SCYL2: variants seen among roughly 807,000 people sequenced by gnomAD.
SCYL2 encodes the protein SCY1-like protein 2.
A neutral mutation model predicts 100.4 loss-of-function variants in SCYL2; 36 were observed. The ratio of observed to expected loss-of-function variants is 0.36; its 90% CI spans 0.27 to 0.47. The LOEUF (loss-of-function observed/expected upper bound fraction) is 0.47. SCYL2 is among the 20% of genes least tolerant of loss of function. SCYL2 has a pLI of 1.00. For missense variants in SCYL2, 902 were observed against 1,083.9 expected (o/e 0.83, Z 2.36); for synonymous variants, 330 against 359.2 (o/e 0.92, Z 0.92).
intron 11 of SCYL2, chr12:100,323,840 G>C (rs548676750): frequency 3.0e-6 from 1 of 331,894 alleles, no homozygotes; most frequent in South Asian, 9.8e-5. Flanking sequence ...CTTACTTGCT[G>C]TCCCTTTACT....
intron 4 of SCYL2, among the ~76,000 whole-genome samples, chr12:100,308,478 G>T (rs1267035009): frequency 1.3e-5 from 2 of 152,060 alleles, no homozygotes; most frequent in Non-Finnish European, 2.9e-5. Context: ...CACACACTGG[G>T]GCCTGTCCGG....
At chr12:100,325,817 G>A (rs188937267) in intron 11 of SCYL2, among the ~76,000 whole-genome samples, 49 of 152,034 alleles carry the variant, frequency 3.2e-4, no homozygotes, top group African/African-American at 1.2e-3. Flanking sequence ...TACAAGTTAA[G>A]CGTTCAGATA....
chr12:100,306,144 C>T (rs2096334086), intron 4 of SCYL2, among the ~76,000 whole-genome samples: 1 of 152,180 alleles, frequency 6.6e-6, no homozygotes, highest in Non-Finnish European at 1.5e-5. Context: ...TCCTCCCTAA[C>T]TCATTTTATG....
At chr12:100,319,810 G>A (rs1481167352) in intron 10 of SCYL2, among the ~76,000 whole-genome samples, 1 of 152,222 alleles carries the variant, frequency 6.6e-6, no homozygotes, top group Non-Finnish European at 1.5e-5. Context: ...AGTTGATAAA[G>A]CATATCTAAA....
chr12:100,330,830 CTT>C (rs71088179), intron 13 of SCYL2, among the ~76,000 whole-genome samples: 77 of 134,042 alleles, frequency 5.7e-4, no homozygotes, highest in Non-Finnish European at 7.5e-4. Flanking sequence ...AATTTTTTTT[CTT>C]TTTTTTTTTT....
intron 10 of SCYL2, 94 bp downstream of exon 10, chr12:100,318,019 T>C (rs2096351058): frequency 2.6e-6 from 3 of 1,137,504 alleles, no homozygotes; most frequent in Non-Finnish European, 3.7e-6. Flanking sequence ...AGTCATAAAA[T>C]ACATAACTCA....
At chr12:100,289,078 A>G (rs1027680200) in intron 2 of SCYL2, among the ~76,000 whole-genome samples, 1 of 152,160 alleles carries the variant, frequency 6.6e-6, no homozygotes, top group African/African-American at 2.4e-5. Flanking sequence ...GATTGTGCAC[A>G]TGAATGGCAA....
At chr12:100,281,350 T>C (rs1431658391) in intron 1 of SCYL2, among the ~76,000 whole-genome samples, 2 of 152,168 alleles carry the variant, frequency 1.3e-5, no homozygotes, top group South Asian at 2.1e-4. Flanking sequence ...AATGATTTCA[T>C]AGTTGAATGT....
intron 1 of SCYL2, among the ~76,000 whole-genome samples, chr12:100,275,725 T>C (rs185314327): frequency 3.9e-5 from 6 of 152,334 alleles, no homozygotes; most frequent in African/African-American, 1.2e-4. Context: ...TGAATAGAAG[T>C]GGTAAAAGTG....
At chr12:100,271,793 TG>T (rs2096287967) in intron 1 of SCYL2, among the ~76,000 whole-genome samples, 1 of 152,202 alleles carries the variant, frequency 6.6e-6, no homozygotes, top group African/African-American at 2.4e-5. Context: ...CTTGGGAAGC[TG>T]GGGAAAAAAG....
At position 100,285,418 on chromosome 12, in the gene SCYL2, A is replaced by G. The variant is rs559286915; in HGVS notation, c.177+2271A>G. 8.5e-5 allele frequency among the ~76,000 whole-genome samples: 13 copies of G among 152,316 alleles called. No homozygotes were observed. In the South Asian group the frequency reaches 1.4e-3, roughly 17 times the overall value. On this transcript the variant is annotated intron_variant, in intron 2 of 17. Coordinates refer to ENST00000360820, the MANE Select transcript of SCYL2 (RefSeq NM_017988.6). The stretch of plus-strand genomic sequence containing the variant: ...AGCTGTAGACATTCTTGTATGTGCC[A>G]TTGGCACATATGACGCATTACCTAG...
intron 4 of SCYL2, among the ~76,000 whole-genome samples, chr12:100,302,359 T>C (rs2096328846): frequency 6.6e-6 from 1 of 152,164 alleles, no homozygotes; most frequent in Non-Finnish European, 1.5e-5. Flanking sequence ...ATTGCAGTGC[T>C]TTACAATTTG....
rs201087555 is a variant in SCYL2 at position 100,322,841 on chromosome 12, CAA to C, written c.1396-683_1396-682del. Among the ~76,000 whole-genome samples, 1,151 of 134,254 alleles carry C rather than the reference CAA, an allele frequency of 8.6e-3. 16 individuals carry two copies. Among genetic ancestry groups the C allele is most frequent in the African/African-American group, 0.029 (1,057 of 35,984 alleles). 88.1% of individuals were successfully genotyped at this position (134,254 alleles called of 152,430 possible). A position where few individuals can be genotyped will look rare whatever the true frequency, so the allele number is the denominator to read the frequency against. ...TGTCACTACACTCCAGCCTGGGCAA[CAA>C]GAGCAAAACTCCGTCTCAAAAAAAA... On this transcript the variant is annotated intron_variant, in intron 10 of 17. Transcript: ENST00000360820.
chr12:100,298,671 C>T (rs977485080), intron 4 of SCYL2, among the ~76,000 whole-genome samples: 1 of 149,266 alleles, frequency 6.7e-6, no homozygotes, highest in African/African-American at 2.6e-5. Flanking sequence ...GCAACTTCCA[C>T]CTCCCAGGTT....
chr12:100,280,908 G>C (rs559667319), intron 1 of SCYL2, among the ~76,000 whole-genome samples: 2 of 150,614 alleles, frequency 1.3e-5, no homozygotes, highest in South Asian at 4.2e-4. Flanking sequence ...CCAATTAAAT[G>C]ATAAGTATTC....
At chr12:100,290,422 A>G (rs1373087686) in intron 2 of SCYL2, among the ~76,000 whole-genome samples, 2 of 152,210 alleles carry the variant, frequency 1.3e-5, no homozygotes, top group African/African-American at 2.4e-5. Flanking sequence ...ATTTATATAC[A>G]TAAGGAACCC....
At chr12:100,318,115 T>C (rs1269065810) in intron 10 of SCYL2, among the ~76,000 whole-genome samples, 190 bp downstream of exon 10, 1 of 152,146 alleles carries the variant, frequency 6.6e-6, no homozygotes, top group African/African-American at 2.4e-5. Flanking sequence ...AAAGAATCAG[T>C]GTATTGTAAG....
intron 3 of SCYL2, 88 bp downstream of exon 3, chr12:100,291,748 C>G (rs1003477909): frequency 2.3e-6 from 3 of 1,313,634 alleles, no homozygotes; most frequent in Non-Finnish European, 2.1e-6. Flanking sequence ...CAAGTATTGT[C>G]AGTGAAAAAT....
intron 17 of SCYL2, among the ~76,000 whole-genome samples, chr12:100,337,749 A>G (rs1312302957): frequency 6.6e-6 from 1 of 152,228 alleles, no homozygotes; most frequent in East Asian, 1.9e-4. Flanking sequence ...AAGGGTTCTT[A>G]AAAGAGATTA....
Sources: gnomAD v4.1 joint callset for allele counts (sites outside exome capture counted in the v4.1 genomes callset) on GRCh38, gnomAD v4.1.1 for gene constraint, MANE v1.5 for transcripts, NCBI Gene and HGNC (gene_info 2026-07-23, HGNC 2026-07-21) for gene names.